Variants in VWA7 observed in about 807,000 individuals in gnomAD.
VWA7 encodes the protein von Willebrand factor A domain containing 7, also known as von Willebrand factor A domain-containing protein 7.
In VWA7, 66 loss-of-function variants were observed where a neutral mutation model predicts 83.1. That is an observed-to-expected ratio of 0.79 (90% CI 0.65 to 0.98). VWA7 has a LOEUF of 0.98. Among genes scored for constraint, VWA7 ranks in the 50% least tolerant of loss-of-function variants. The probability of loss-of-function intolerance (pLI) is 0.00; values close to 1 mark genes in which losing one functional copy is unlikely to be tolerated. For missense variants in VWA7, 1,080 were observed against 1,160.2 expected, an observed-to-expected ratio of 0.93 and a Z score of 1.00; for synonymous variants, 424 against 488.5, an observed-to-expected ratio of 0.87 and a Z score of 1.74.
chr6:31,776,173 C>T lies in VWA7; in HGVS notation c.304G>A (p.Ala102Thr). 1 of 1,614,058 alleles carries T rather than the reference C, an allele frequency of 6.2e-7. No individual in the cohort carries two copies. The highest frequency in any genetic ancestry group is 8.5e-7 in the Non-Finnish European group (1 of 1,180,024). ...GCACGAGACACCTCACCTAAGGCTGCTCGGAACCGCCGAGAAGAACCAGGT... is the reference window on the plus strand; with the variant it reads ...GCACGAGACACCTCACCTAAGGCTGTTCGGAACCGCCGAGAAGAACCAGGT... ...FGPGSSRRFR[A>T]ALGEVSRANA... is the part of the protein sequence containing the mutation. The change falls in exon 3 of 17, where the codon GCA becomes ACA. Residue 102 changes from alanine to threonine, a missense_variant. Ala to Thr is a moderately conservative substitution (Grantham distance 58). Transcript: ENST00000375688. The surrounding 1 kb of genome is among the most constrained non-coding windows in gnomAD (Gnocchi z 6.2).
At chr6:31,768,689 C>T (rs2151392882) in intron 10 of VWA7, among the ~76,000 whole-genome samples, 1 of 151,920 alleles carries the variant, frequency 6.6e-6, no homozygotes, top group East Asian at 1.9e-4. Flanking sequence ...TAAAAAAATA[C>T]AAAAATTAGC....
In VWA7 at chr6:31,766,858, G is replaced by A; in HGVS notation, c.1883-94C>T. 2.9e-6 allele frequency: 4 copies of A among 1,386,204 alleles called. No individual in the cohort carries two copies. The highest frequency in any genetic ancestry group is 2.9e-6 in the Non-Finnish European group (3 of 1,033,448). The allele number at this position is 1,386,204 out of a possible 1,614,324, so 85.9% of individuals were successfully genotyped here. A position where few individuals can be genotyped will look rare whatever the true frequency, so the allele number is the denominator to read the frequency against. ...CTTCAAAATAGGGGTTCCCTCTGGGGAGTATGGATGGGAAAATAGGTTACC... is the reference window on the plus strand; with the variant it reads ...CTTCAAAATAGGGGTTCCCTCTGGGAAGTATGGATGGGAAAATAGGTTACC... On this transcript the variant is annotated intron_variant, in intron 13 of 16. Transcript: ENST00000375688. This position sits in a 1 kb window ranked among gnomAD's most constrained non-coding sequence, Gnocchi z 4.9.
At chr6:31,767,594 C>A in intron 11 of VWA7, 28 bp downstream of exon 11, 1 of 1,602,036 alleles carries the variant, frequency 6.2e-7, no homozygotes, top group South Asian at 1.1e-5. Context: ...TCCCCGGTCC[C>A]CTCTCTTCCC....
At position 31,769,062 on chromosome 6, in the gene VWA7, T is replaced by C; in HGVS notation, c.1459A>G (p.Ile487Val). The change falls in exon 10 of 17, where the codon ATT becomes GTT. Residue 487 changes from isoleucine to valine, a missense_variant. Coordinates refer to ENST00000375688, the MANE Select transcript of VWA7 (RefSeq NM_025258.3). The surrounding 1 kb of genome is among the most constrained non-coding windows in gnomAD (Gnocchi z 4.5). ...GEVIFTKDQHIRDVAAIVGES... is the reference protein window; with the variant it reads ...GEVIFTKDQHVRDVAAIVGES... ...CCAACAATGGCTGCCACGTCTCGAA[T>C]GTGCTGGTCTTTGGTGAAGATCACC... is the stretch of plus-strand genomic sequence containing the variant. 4 of 1,613,052 alleles carry C rather than the reference T, an allele frequency of 2.5e-6. No homozygotes were observed. In the South Asian group the frequency reaches 3.3e-5, roughly 13 times the overall value.
At position 31,766,654 on chromosome 6, in the gene VWA7, C is replaced by T; in HGVS notation, c.1993G>A (p.Ala665Thr). 6.2e-7 allele frequency: 1 copy of T among 1,613,092 alleles called. No homozygotes were observed. Among genetic ancestry groups the T allele is most frequent in the Non-Finnish European group, 8.5e-7 (1 of 1,180,028 alleles). ...TCCAAGGGCACCTGGCCTAGTTCGGCACCCTCTGGGACCCCTCGAAGGATG... is the reference window on the plus strand; with the variant it reads ...TCCAAGGGCACCTGGCCTAGTTCGGTACCCTCTGGGACCCCTCGAAGGATG... ...HVILRGVPEG[A>T]ELGQVPLEPV... Residue 665 changes from alanine (A) to threonine (T), a missense_variant, in exon 14 of 17, where the codon GCC becomes ACC. By Grantham distance (58) the Ala-to-Thr change is moderately conservative. Coordinates refer to ENST00000375688, the MANE Select transcript of VWA7 (RefSeq NM_025258.3). This position sits in a 1 kb window ranked among gnomAD's most constrained non-coding sequence, Gnocchi z 4.9.
Position 31,775,828 on chromosome 6 carries a change from C to A in VWA7, c.513+136G>T. 7.2e-7 allele frequency: 1 copy of A among 1,394,238 alleles called. No homozygotes were observed. Among genetic ancestry groups the A allele is most frequent in the South Asian group, 1.4e-5 (1 of 71,996 alleles). 86.4% of individuals were successfully genotyped at this position (1,394,238 alleles called of 1,614,324 possible). On this transcript the variant is annotated intron_variant, in intron 3 of 16. Transcript: ENST00000375688. The surrounding 1 kb of genome is among the most constrained non-coding windows in gnomAD (Gnocchi z 5.9). ...GAGGTGGGGAACTGGGACACAGCCTCGGGGCACCGCGTGCCAGTGCCCACC... is the reference window on the plus strand; with the variant it reads ...GAGGTGGGGAACTGGGACACAGCCTAGGGGCACCGCGTGCCAGTGCCCACC...
rs774106769 is a variant in VWA7 at position 31,767,628 on chromosome 6, G to A, written c.1630C>T (p.Pro544Ser). 1.9e-6 allele frequency: 3 copies of A among 1,610,562 alleles called. No homozygotes were observed. Among genetic ancestry groups the A allele is most frequent in the Admixed American group, 1.7e-5 (1 of 59,966 alleles). Residue 544 changes from proline (P) to serine (S), a missense_variant, in exon 11 of 17, where the codon CCT (proline) becomes TCT (serine). Coordinates refer to ENST00000375688, the MANE Select transcript of VWA7 (RefSeq NM_025258.3). ...GDISSFWIKN[P>S]AGVSQGQEEG... ...CCTCTACCTTCAGAGGTACCTGCAG[G>A]GTTCTTGATCCAGAAGCTGCTGATG...
chr6:31,765,636 T>C lies in VWA7; in HGVS notation c.2634A>G (p.Thr878=). The C allele has an allele frequency of 6.2e-7, 1 of 1,610,664 alleles. No individual in the cohort carries two copies. Among genetic ancestry groups the C allele is most frequent in the Non-Finnish European group, 8.5e-7 (1 of 1,179,136 alleles). Residue 878 remains threonine (T), a synonymous_variant, in exon 17 of 17, where the codon ACA becomes ACG. Transcript: ENST00000375688. ...CTAGCAGAAGCAGCACCCCTCCAAC[T>C]GTGCCCCACCAGGGGCTGCCCGCAG... ...GLAAGSPWWG[T]VGGVLLLLGL...
rs780048361 is a variant in VWA7, at chr6:31,776,035, C to T, written c.442G>A (p.Val148Met). The change falls in exon 3 of 17, where the codon GTG (valine) becomes ATG (methionine). Residue 148 changes from valine (V) to methionine (M), a missense_variant. Val to Met is a conservative substitution (Grantham distance 21, BLOSUM62 1). Coordinates refer to ENST00000375688, the MANE Select transcript of VWA7 (RefSeq NM_025258.3). The surrounding 1 kb of genome is among the most constrained non-coding windows in gnomAD (Gnocchi z 6.2). ...TGGTCAAGGGCCCTGGCTGCCACCA[C>T]GGTCTCCCGCAGAGCCCCTACCAGG... ...ARLVGALRET[V>M]VAARALDHTL... is the part of the protein sequence containing the mutation. 25 of 1,613,450 alleles carry T rather than the reference C, an allele frequency of 1.5e-5. No homozygotes were observed. The highest frequency in any genetic ancestry group is 1.1e-4 in the East Asian group (5 of 44,902).
chr6:31,767,087 T>C (rs1811673786), intron 13 of VWA7, 71 bp downstream of exon 13: 2 of 346,856 alleles, frequency 5.8e-6, no homozygotes, highest in South Asian at 1.2e-4. Flanking sequence ...ATATATATTA[T>C]ATATTATATA....
chr6:31,772,080 G>A (rs1200853273), intron 7 of VWA7, among the ~76,000 whole-genome samples: 1 of 149,484 alleles, frequency 6.7e-6, no homozygotes, highest in African/African-American at 2.5e-5. Flanking sequence ...CATGAATCAT[G>A]CATTAAACTC....
chr6:31,771,473 C>T (rs542442769), intron 7 of VWA7: 6 of 152,326 alleles, frequency 3.9e-5, no homozygotes, highest in Admixed American at 3.9e-4. Context: ...ACATCCTGCC[C>T]CACCCTGATG....
At chr6:31,774,154 C>CAAAAAAAAAAAAAA (rs10581485) in intron 5 of VWA7, among the ~76,000 whole-genome samples, 1 of 61,820 alleles carries the variant, frequency 1.6e-5, no homozygotes, top group Non-Finnish European at 3.0e-5. Context: ...AACTCCATCT[C>CAAAAAAAAAAAAAA]AAAAAAAAAA....
chr6:31,773,020 C>T lies in VWA7; in HGVS notation c.1021G>A (p.Val341Met). Reference protein sequence around the residue: ...NAAKIQARHLVEQRRGSPMEP... With the variant: ...NAAKIQARHLMEQRRGSPMEP... The stretch of plus-strand genomic sequence containing the variant: ...ATGGGGCTGCCTCTCCGCTGCTCCA[C>T]AAGGTGGCGAGCCTGGATTTTGGCA... Residue 341 changes from valine (V) to methionine (M), a missense_variant, in exon 7 of 17, where the codon GTG (valine) becomes ATG (methionine). Val to Met is a conservative substitution (Grantham distance 21, BLOSUM62 1). Transcript: ENST00000375688. This position sits in a 1 kb window ranked among gnomAD's most constrained non-coding sequence, Gnocchi z 5.3. 8 of 1,601,628 alleles carry T rather than the reference C, an allele frequency of 5.0e-6. No individual in the cohort carries two copies. Among genetic ancestry groups the T allele is most frequent in the Non-Finnish European group, 6.8e-6 (8 of 1,171,870 alleles).
In VWA7 at chr6:31,767,418, G is replaced by A. The variant is rs1241612715; in HGVS notation, c.1733C>T (p.Thr578Ile). Residue 578 changes from threonine to isoleucine, a missense_variant, in exon 12 of 17, where the codon ACA (threonine) becomes ATA (isoleucine). Coordinates refer to ENST00000375688, the MANE Select transcript of VWA7 (RefSeq NM_025258.3). ...TGTGACCTGGATCTCCCAGGTTCCTGTCTGTGGAGGGTCATCCATGGTCAC... is the reference window on the plus strand; with the variant it reads ...TGTGACCTGGATCTCCCAGGTTCCTATCTGTGGAGGGTCATCCATGGTCAC... The part of the protein sequence containing the change: ...WMVTMDDPPQ[T>I]GTWEIQVTAE... 6.2e-7 allele frequency: 1 copy of A among 1,613,002 alleles called. No individual in the cohort carries two copies. Among genetic ancestry groups the A allele is most frequent in the Non-Finnish European group, 8.5e-7 (1 of 1,179,962 alleles).
chr6:31,770,158 C>T (rs1812039668), intron 7 of VWA7, 45 bp from the exon 8 acceptor site: 2 of 1,539,512 alleles, frequency 1.3e-6, no homozygotes, highest in Non-Finnish European at 1.8e-6. Flanking sequence ...AAAGAGCTCC[C>T]CTCATTCTTA....
In VWA7 at chr6:31,773,417, G is replaced by C. The variant is rs201605097; in HGVS notation, c.742C>G (p.His248Asp). The change falls in exon 6 of 17, where the codon CAT (histidine) becomes GAT (aspartate). Residue 248 changes from histidine (H) to aspartate (D), a missense_variant. Transcript: ENST00000375688. The surrounding 1 kb of genome is among the most constrained non-coding windows in gnomAD (Gnocchi z 5.3). ...KPPGKCSHGG[H>D]FDRSSSQPPR... Reference sequence around the variant, plus strand: ...GGCTGGGAGCTGCTCCGGTCAAAATGGCCCCCGTGGCTACATTTCCCTGGG... The same window carrying C: ...GGCTGGGAGCTGCTCCGGTCAAAATCGCCCCCGTGGCTACATTTCCCTGGG... The C allele has an allele frequency of 9.8e-5, 157 of 1,596,554 alleles. No individual in the cohort carries two copies. The Middle Eastern group carries it at 1.7e-3, about 17-fold the overall frequency.
chr6:31,765,809 G>C (rs767603478), intron 16 of VWA7, 39 bp from the exon 17 acceptor site: 38 of 1,594,010 alleles, frequency 2.4e-5, no homozygotes, highest in Admixed American at 5.1e-5. Flanking sequence ...GTGTGCTAGA[G>C]CTGTACTCAA....
intron 7 of VWA7, among the ~76,000 whole-genome samples, chr6:31,770,672 T>G: frequency 6.7e-6 from 1 of 149,734 alleles, no homozygotes; most frequent in East Asian, 2.0e-4. Flanking sequence ...TGGCCTCCAC[T>G]CCCTGAAAAA....
Sources: allele counts gnomAD v4.1 joint callset (sites outside exome capture counted in the v4.1 genomes callset), GRCh38; gene constraint gnomAD v4.1.1; non-coding constraint Gnocchi (gnomAD v3.1); transcripts MANE v1.5; gene names NCBI Gene and HGNC (gene_info 2026-07-23, HGNC 2026-07-21).